SIPA1L3: variants seen among roughly 807,000 people sequenced by gnomAD.
SIPA1L3 encodes the protein signal induced proliferation associated 1 like 3.
A neutral mutation model predicts 150.1 loss-of-function variants in SIPA1L3; 59 were observed. The observed-to-expected ratio is 0.39, with a 90% CI of 0.32 to 0.49. SIPA1L3 has a LOEUF of 0.49. SIPA1L3 is among the 20% of genes least tolerant of loss of function. The probability of loss-of-function intolerance (pLI) is 0.86; values close to 1 mark genes in which losing one functional copy is unlikely to be tolerated. For missense variants in SIPA1L3, 2,211 were observed against 2,489.5 expected, an observed-to-expected ratio of 0.89 and a Z score of 2.38; for synonymous variants, 1,070 against 1,077.6, an observed-to-expected ratio of 0.99 and a Z score of 0.14.
intron 16 of SIPA1L3, among the ~76,000 whole-genome samples, chr19:38,186,495 GTTTTGTT>G (rs750647647): frequency 6.8e-4 from 102 of 150,594 alleles, no homozygotes; most frequent in Non-Finnish European, 1.1e-3. Context: ...GTTTTGTTTT[GTTTTGTT>G]TTGTTTTGTT....
chr19:38,007,314 G>T (rs374638538), intron 1 of SIPA1L3, among the ~76,000 whole-genome samples: 6 of 152,026 alleles, frequency 3.9e-5, no homozygotes, highest in Non-Finnish European at 8.8e-5. Context: ...TTAGCCAGGC[G>T]TGATGGCACG....
intron 15 of SIPA1L3, among the ~76,000 whole-genome samples, chr19:38,174,833 C>CAA (rs112969587): frequency 9.3e-5 from 12 of 129,216 alleles, no homozygotes; most frequent in African/African-American, 2.6e-4. Flanking sequence ...GACTCTTTCT[C>CAA]AAAAAAAAAA....
At chr19:37,945,572 C>A (rs1390645586) in intron 1 of SIPA1L3, among the ~76,000 whole-genome samples, 1 of 151,864 alleles carries the variant, frequency 6.6e-6, no homozygotes. Context: ...ATGTGAGTAC[C>A]GCAGTTTGTT....
rs1968944495 is a variant in SIPA1L3 at position 38,042,324 on chromosome 19, C to T, written c.-311+13168C>T. Among the ~76,000 whole-genome samples, 5 of 152,146 alleles carry T rather than the reference C, an allele frequency of 3.3e-5. No individual in the cohort carries two copies. In the South Asian group the frequency reaches 1.0e-3, roughly 32 times the overall value. On this transcript the variant is annotated intron_variant, in intron 2 of 21. Coordinates refer to ENST00000222345, the MANE Select transcript of SIPA1L3 (RefSeq NM_015073.3). Reference sequence around the variant, plus strand: ...GGGCTATTTTATTCTGTTTTTATGTCAGCACCATACTGTTCTGATTACTAT... The same window carrying T: ...GGGCTATTTTATTCTGTTTTTATGTTAGCACCATACTGTTCTGATTACTAT...
chr19:37,957,591 T>C (rs56672492), intron 1 of SIPA1L3, among the ~76,000 whole-genome samples: 28,398 of 151,822 alleles, frequency 0.19, 2,654 homozygotes, highest in Middle Eastern at 0.29. Flanking sequence ...AGGATCTCAC[T>C]GTTACCCAGT....
Position 38,164,799 on chromosome 19 carries a change from C to T in SIPA1L3, c.4101C>T (p.Pro1367=), listed in dbSNP as rs201332527. 8.6e-5 allele frequency: 138 copies of T among 1,611,580 alleles called. No homozygotes were observed. The highest frequency in any genetic ancestry group is 1.1e-4 in the Non-Finnish European group (130 of 1,178,904). The stretch of plus-strand genomic sequence containing the variant: ...GGCGGCGGGAGGTCTCCCCTGCCCC[C>T]GCAGTTGCCGGCCAAAGCAAGGGCT... ...ADRRREVSPA[P]AVAGQSKGYR... is the part of the protein sequence containing the mutation. Residue 1367 remains proline (P), a synonymous_variant, in exon 15 of 22, where the codon CCC becomes CCT. Transcript: ENST00000222345. The surrounding 1 kb of genome is among the most constrained non-coding windows in gnomAD (Gnocchi z 4.1).
At chr19:38,008,122 T>TCTTTTCA (rs1319351297) in intron 1 of SIPA1L3, among the ~76,000 whole-genome samples, 2 of 151,716 alleles carry the variant, frequency 1.3e-5, no homozygotes, top group South Asian at 2.1e-4. Context: ...CCCAGAGGCC[T>TCTTTTCA]TGCCCTCTTT....
chr19:37,997,679 C>T (rs1428904757), intron 1 of SIPA1L3, among the ~76,000 whole-genome samples: 1 of 151,496 alleles, frequency 6.6e-6, no homozygotes, highest in Non-Finnish European at 1.5e-5. Flanking sequence ...CCATCCTGGC[C>T]AACATGGTGA....
At chr19:38,162,892 G>A (rs1309576814) in intron 14 of SIPA1L3, among the ~76,000 whole-genome samples, 1 of 152,196 alleles carries the variant, frequency 6.6e-6, no homozygotes, top group Non-Finnish European at 1.5e-5. Flanking sequence ...CCTGGAAATG[G>A]CATGAATCGC....
At chr19:38,044,176 G>A (rs1299492546) in intron 2 of SIPA1L3, among the ~76,000 whole-genome samples, 2 of 152,234 alleles carry the variant, frequency 1.3e-5, no homozygotes, top group Non-Finnish European at 2.9e-5. Context: ...CCCCAGGGTC[G>A]GGGTTTGCAG....
At chr19:38,171,385 C>CTTT (rs1055077464) in intron 15 of SIPA1L3, among the ~76,000 whole-genome samples, 546 of 77,834 alleles carry the variant, frequency 7.0e-3, no homozygotes, top group Non-Finnish European at 9.8e-3. Flanking sequence ...CCTACCAAAA[C>CTTT]TTTTTTTTTT....
chr19:37,938,900 G>A (rs937646771), intron 1 of SIPA1L3, among the ~76,000 whole-genome samples: 1 of 152,130 alleles, frequency 6.6e-6, no homozygotes, highest in Non-Finnish European at 1.5e-5. Flanking sequence ...TGGGATTACA[G>A]GCGTGAGCCA....
chr19:38,044,887 G>A (rs1393530455), intron 2 of SIPA1L3, among the ~76,000 whole-genome samples: 2 of 152,032 alleles, frequency 1.3e-5, no homozygotes, highest in South Asian at 2.1e-4. Context: ...GCCACCAACA[G>A]GACTGACGTG....
rs1046528016 is a variant in SIPA1L3, at chr19:38,187,007, CAAAAA to C, written c.4430+4284_4430+4288del. ...GGGCAACAAGAGCTAAACTCTGTCT[CAAAAA>C]AAAAAAAAAAAAAAAATCACAACCA... On this transcript the variant is annotated intron_variant, in intron 16 of 21. Transcript: ENST00000222345. Among the ~76,000 whole-genome samples the C allele has an allele frequency of 5.0e-5, 4 of 80,296 alleles. 1 individual carries two copies. In the Admixed American group the frequency reaches 5.9e-4, roughly 12 times the overall value. 52.7% of individuals were successfully genotyped at this position (80,296 alleles called of 152,430 possible). A position where few individuals can be genotyped will look rare whatever the true frequency, so the allele number is the denominator to read the frequency against.
At chr19:38,024,745 T>C (rs1369975822) in intron 1 of SIPA1L3, among the ~76,000 whole-genome samples, 1 of 152,164 alleles carries the variant, frequency 6.6e-6, no homozygotes, top group African/African-American at 2.4e-5. Context: ...GACATAGTTT[T>C]GTTTCGTCAG....
intron 2 of SIPA1L3, among the ~76,000 whole-genome samples, chr19:38,080,613 T>C (rs569686102): frequency 6.6e-6 from 1 of 151,858 alleles, no homozygotes; most frequent in African/African-American, 2.4e-5. Context: ...AATGTTACTG[T>C]GATTTTTTTT....
intron 2 of SIPA1L3, among the ~76,000 whole-genome samples, chr19:38,058,834 G>T (rs1447233309): frequency 6.6e-6 from 1 of 152,098 alleles, no homozygotes; most frequent in Admixed American, 6.5e-5. Context: ...AGAGCAGCCT[G>T]GCTGGCATGG....
At chr19:38,029,593 T>C (rs1968598974) in intron 2 of SIPA1L3, among the ~76,000 whole-genome samples, 1 of 152,186 alleles carries the variant, frequency 6.6e-6, no homozygotes, top group Non-Finnish European at 1.5e-5. Context: ...CCTCTTTTGG[T>C]ATATAGTTCT....
intron 15 of SIPA1L3, among the ~76,000 whole-genome samples, chr19:38,167,031 G>T (rs745349806): frequency 6.6e-6 from 1 of 151,900 alleles, no homozygotes; most frequent in Non-Finnish European, 1.5e-5. Flanking sequence ...TCAAGAGCTC[G>T]AGACCGTCCT....
Sources: gnomAD v4.1 joint callset for allele counts (sites outside exome capture counted in the v4.1 genomes callset) on GRCh38, gnomAD v4.1.1 for gene constraint, Gnocchi (gnomAD v3.1) non-coding constraint, MANE v1.5 for transcripts, NCBI Gene and HGNC (gene_info 2026-07-23, HGNC 2026-07-21) for gene names.